DLG1: variants seen among roughly 807,000 people sequenced by gnomAD.
DLG1 encodes discs large MAGUK scaffold protein 1.
Under a neutral mutation model 123.4 loss-of-function variants are expected in DLG1, and 42 were observed. The ratio of observed to expected loss-of-function variants is 0.34; its 90% CI spans 0.27 to 0.44. DLG1 has a LOEUF of 0.44. Among genes scored for constraint, DLG1 ranks in the 20% least tolerant of loss-of-function variants. DLG1 has a pLI of 1.00. For missense variants in DLG1, 942 were observed against 1,082.6 expected (o/e 0.87, Z 1.82); for synonymous variants, 317 against 356.2 (o/e 0.89, Z 1.24).
chr3:197,296,844 TTCAAAA>T (rs201528542), intron 2 of DLG1: 42,192 of 346,300 alleles, frequency 0.12, 3,458 homozygotes, highest in African/African-American at 0.28. Flanking sequence ...TTTTTAACAT[TTCAAAA>T]TACAAATTCT....
At chr3:197,250,589 A>C (rs1753903760) in intron 4 of DLG1, among the ~76,000 whole-genome samples, 1 of 151,816 alleles carries the variant, frequency 6.6e-6, no homozygotes, top group Non-Finnish European at 1.5e-5. Flanking sequence ...AAAGAAAAAG[A>C]AAAAGAGAAG....
At chr3:197,072,421 C>A (rs1467492758) in intron 18 of DLG1, among the ~76,000 whole-genome samples, 1 of 152,114 alleles carries the variant, frequency 6.6e-6, no homozygotes, top group East Asian at 1.9e-4. Flanking sequence ...TAGCAGCACT[C>A]TCTCCGTCAT....
chr3:197,159,248 TAGA>T (rs1340492300), intron 5 of DLG1, among the ~76,000 whole-genome samples: 21 of 152,352 alleles, frequency 1.4e-4, no homozygotes, highest in African/African-American at 3.8e-4. Context: ...TTCTGATTTG[TAGA>T]AGACTTTCAT....
intron 13 of DLG1, among the ~76,000 whole-genome samples, chr3:197,106,686 T>C (rs954102647): frequency 1.3e-5 from 2 of 152,176 alleles, no homozygotes. Flanking sequence ...CAAACTCTTT[T>C]AAGAGCATAA....
intron 13 of DLG1, among the ~76,000 whole-genome samples, chr3:197,112,019 T>C (rs889655765): frequency 6.6e-6 from 1 of 152,198 alleles, no homozygotes; most frequent in African/African-American, 2.4e-5. Context: ...AAAACCTGGG[T>C]GATAAGATTA....
At chr3:197,051,338 G>A (rs575758784) in intron 24 of DLG1, among the ~76,000 whole-genome samples, 7 of 150,350 alleles carry the variant, frequency 4.7e-5, no homozygotes, top group South Asian at 2.1e-4. Context: ...CAGGAGAATC[G>A]CTTGAGCCAG....
chr3:197,049,848 A>G (rs760101476), intron 24 of DLG1, among the ~76,000 whole-genome samples: 32 of 152,134 alleles, frequency 2.1e-4, no homozygotes, highest in Non-Finnish European at 3.7e-4. Context: ...CGATTGCTTG[A>G]GCCTAGGAGT....
chr3:197,109,305 G>A (rs528286692), intron 13 of DLG1, among the ~76,000 whole-genome samples: 212 of 152,358 alleles, frequency 1.4e-3, no homozygotes, highest in Non-Finnish European at 2.2e-3. Flanking sequence ...GTTTGAGGCT[G>A]CAGTGAGCTA....
chr3:197,212,871 G>A (rs1189824766), intron 4 of DLG1, among the ~76,000 whole-genome samples: 1 of 152,090 alleles, frequency 6.6e-6, no homozygotes, highest in Admixed American at 6.5e-5. Flanking sequence ...AACATCACAA[G>A]TTATCAAAGA....
chr3:197,085,808 C>G, intron 15 of DLG1, 52 bp from the exon 16 acceptor site: 19 of 1,526,250 alleles, frequency 1.2e-5, no homozygotes, highest in Non-Finnish European at 1.6e-5. Context: ...TATTAATCAA[C>G]ATATCATAGG....
At chr3:197,171,806 A>C (rs1804330564) in intron 5 of DLG1, among the ~76,000 whole-genome samples, 1 of 152,176 alleles carries the variant, frequency 6.6e-6, no homozygotes, top group African/African-American at 2.4e-5. Flanking sequence ...AATGGGGATA[A>C]AATTACCAAA....
intron 6 of DLG1, among the ~76,000 whole-genome samples, chr3:197,146,563 T>C (rs1276795646): frequency 6.6e-6 from 1 of 152,110 alleles, no homozygotes; most frequent in Non-Finnish European, 1.5e-5. Flanking sequence ...GACACCCTAT[T>C]TGACAAATGG....
At chr3:197,128,409 T>C (rs1470319075) in intron 11 of DLG1, among the ~76,000 whole-genome samples, 1 of 152,222 alleles carries the variant, frequency 6.6e-6, no homozygotes, top group Non-Finnish European at 1.5e-5. Context: ...CTTCTAATTC[T>C]AGTTCTCTTA....
chr3:197,230,522 C>T (rs403841), intron 4 of DLG1, among the ~76,000 whole-genome samples: 85,438 of 151,918 alleles, frequency 0.56, 24,573 homozygotes, highest in East Asian at 0.79. Context: ...GTTATTGTTA[C>T]TATCATAAAA....
At chr3:197,189,768 G>A (rs1199587161) in intron 5 of DLG1, among the ~76,000 whole-genome samples, 1 of 152,216 alleles carries the variant, frequency 6.6e-6, no homozygotes, top group Non-Finnish European at 1.5e-5. Context: ...AGGAAAGCAT[G>A]CTGGTACTTT....
intron 4 of DLG1, among the ~76,000 whole-genome samples, chr3:197,215,294 TG>T (rs1363985560): frequency 6.6e-6 from 1 of 151,888 alleles, no homozygotes; most frequent in Non-Finnish European, 1.5e-5. Flanking sequence ...ATGGGGAAAA[TG>T]GGAAGAATTT....
In DLG1 at chr3:197,151,382, T is replaced by C. The variant is rs1793772607; in HGVS notation, c.484-1586A>G. 2.6e-5 allele frequency among the ~76,000 whole-genome samples: 4 copies of C among 152,198 alleles called. No homozygotes were observed. In the South Asian group the frequency reaches 8.3e-4, roughly 31 times the overall value. On this transcript the variant is annotated intron_variant, in intron 5 of 24. Coordinates refer to ENST00000667157, the MANE Select transcript of DLG1 (RefSeq NM_001366207.1). ...TACCATAATTATTATGTTAGCTGTTTATCAGTACCAACTCATCATCATTTT... is the reference window on the plus strand; with the variant it reads ...TACCATAATTATTATGTTAGCTGTTCATCAGTACCAACTCATCATCATTTT...
intron 23 of DLG1, among the ~76,000 whole-genome samples, chr3:197,054,545 T>G (rs1295436707): frequency 2.0e-5 from 3 of 152,246 alleles, no homozygotes; most frequent in Admixed American, 1.3e-4. Flanking sequence ...ATTTTCCATT[T>G]CAGTTATTTT....
intron 3 of DLG1, 111 bp downstream of exon 3, chr3:197,296,235 T>C (rs765254064): frequency 8.1e-5 from 86 of 1,067,276 alleles, no homozygotes; most frequent in Non-Finnish European, 1.1e-4. Flanking sequence ...ATGTTCAAGT[T>C]ACCGAATGCC....
Sources: gnomAD v4.1 joint callset for allele counts (sites outside exome capture counted in the v4.1 genomes callset) on GRCh38, gnomAD v4.1.1 for gene constraint, MANE v1.5 for transcripts, NCBI Gene and HGNC (gene_info 2026-07-23, HGNC 2026-07-21) for gene names.